VWC2L: variants seen among roughly 807,000 people sequenced by gnomAD.
VWC2L encodes the protein von Willebrand factor C domain-containing protein 2-like.
A neutral mutation model predicts 21.6 loss-of-function variants in VWC2L; 10 were observed. That is an observed-to-expected ratio of 0.46 (90% CI 0.29 to 0.78). The LOEUF (loss-of-function observed/expected upper bound fraction) is 0.78, where lower values mean the gene tolerates loss of function less well. Among genes scored for constraint, VWC2L ranks in the 30% least tolerant of loss-of-function variants. The probability of loss-of-function intolerance (pLI) is 0.10; values close to 1 mark genes in which losing one functional copy is unlikely to be tolerated. For synonymous variants in VWC2L, 96 were observed against 94.3 expected, an observed-to-expected ratio of 1.02 and a Z score of -0.10; for missense variants, 209 against 277.1, an observed-to-expected ratio of 0.75 and a Z score of 1.74.
At chr2:214,552,522 C>A (rs1559328662) in intron 3 of VWC2L, among the ~76,000 whole-genome samples, 1 of 152,184 alleles carries the variant, frequency 6.6e-6, no homozygotes. Flanking sequence ...TTGGTCTATT[C>A]AACATTCTAG....
intron 3 of VWC2L, among the ~76,000 whole-genome samples, chr2:214,471,143 A>T (rs1214093218): frequency 6.6e-6 from 1 of 152,134 alleles, no homozygotes; most frequent in Non-Finnish European, 1.5e-5. Context: ...AGCATGAGGA[A>T]CATGACACTA....
At position 214,427,663 on chromosome 2, in the gene VWC2L, A is replaced by G. The variant is rs540072370; in HGVS notation, c.391-8966A>G. On this transcript the variant is annotated intron_variant, in intron 2 of 3. Coordinates refer to ENST00000312504, the MANE Select transcript of VWC2L (RefSeq NM_001080500.4). ...TACACACACAGAGGATTGGTTCCAA[A>G]TCCTCTCCAATACCAAAATCTGCAA... is the stretch of plus-strand genomic sequence containing the variant. Among the ~76,000 whole-genome samples the G allele has an allele frequency of 2.0e-5, 3 of 152,272 alleles. No homozygotes were observed. In the South Asian group the frequency reaches 6.2e-4, roughly 32 times the overall value.
At chr2:214,547,316 A>G (rs1341489540) in intron 3 of VWC2L, among the ~76,000 whole-genome samples, 1 of 152,206 alleles carries the variant, frequency 6.6e-6, no homozygotes, top group African/African-American at 2.4e-5. Flanking sequence ...CTAGAACTTA[A>G]GCAAGTATGA....
chr2:214,484,357 GAC>G (rs1688647590), intron 3 of VWC2L, among the ~76,000 whole-genome samples: 1 of 152,168 alleles, frequency 6.6e-6, no homozygotes, highest in African/African-American at 2.4e-5. Context: ...CTAATTGTGT[GAC>G]ACTGGGCAAC....
chr2:214,551,795 T>C (rs1689798884), intron 3 of VWC2L, among the ~76,000 whole-genome samples: 1 of 152,196 alleles, frequency 6.6e-6, no homozygotes, highest in Admixed American at 6.5e-5. Context: ...ATATTCCTCT[T>C]CATACCACAA....
chr2:214,520,058 TACACAC>T (rs60850327), intron 3 of VWC2L, among the ~76,000 whole-genome samples: 1,495 of 143,246 alleles, frequency 0.01, 25 homozygotes, highest in African/African-American at 0.036. Flanking sequence ...GCTCCTGTTA[TACACAC>T]ACACACACAC....
chr2:214,484,737 G>C (rs979951173), intron 3 of VWC2L, among the ~76,000 whole-genome samples: 4 of 152,168 alleles, frequency 2.6e-5, no homozygotes, highest in African/African-American at 9.6e-5. Flanking sequence ...CCTTTGAAAA[G>C]GTTGCCTAAG....
At chr2:214,552,847 C>A (rs12613142) in intron 3 of VWC2L, among the ~76,000 whole-genome samples, 111,120 of 152,080 alleles carry the variant, frequency 0.73, 41,151 homozygotes, top group East Asian at 0.83. Flanking sequence ...TTAATTTAAG[C>A]TTTCCACTTG....
At chr2:214,435,470 T>C in intron 2 of VWC2L, among the ~76,000 whole-genome samples, 1 of 152,204 alleles carries the variant, frequency 6.6e-6, no homozygotes. Context: ...AAAATGAATT[T>C]TTAAAATAAT....
intron 3 of VWC2L, among the ~76,000 whole-genome samples, chr2:214,563,298 A>G (rs1285893440): frequency 6.6e-6 from 1 of 152,090 alleles, no homozygotes; most frequent in Admixed American, 6.5e-5. Flanking sequence ...CTGTAATCCC[A>G]GCACTTTGGG....
chr2:214,428,774 A>C (rs925809843), intron 2 of VWC2L, among the ~76,000 whole-genome samples: 2 of 151,756 alleles, frequency 1.3e-5, no homozygotes, highest in African/African-American at 4.8e-5. Context: ...AATGAAGAAA[A>C]AATTTCAATT....
At chr2:214,529,327 C>A (rs948363105) in intron 3 of VWC2L, among the ~76,000 whole-genome samples, 1 of 152,110 alleles carries the variant, frequency 6.6e-6, no homozygotes, top group African/African-American at 2.4e-5. Context: ...GGAACTCAAC[C>A]ATGGGTGCCC....
rs114052144 is a variant in VWC2L at position 214,463,030 on chromosome 2, C to T, written c.520+26272C>T. Reference sequence around the variant, plus strand: ...TTTACATGTATTGAAACATGTTTTACGGCCAAGAACATATCTTATCTTGGT... The same window carrying T: ...TTTACATGTATTGAAACATGTTTTATGGCCAAGAACATATCTTATCTTGGT... On this transcript the variant is annotated intron_variant, in intron 3 of 3. Transcript: ENST00000312504. Among the ~76,000 whole-genome samples the T allele has an allele frequency of 5.7e-3, 861 of 152,142 alleles. 8 individuals carry two copies. Among genetic ancestry groups the T allele is most frequent in the African/African-American group, 0.02 (822 of 41,516 alleles).
intron 3 of VWC2L, among the ~76,000 whole-genome samples, chr2:214,439,278 A>T (rs945481526): frequency 2.6e-5 from 4 of 152,026 alleles, no homozygotes; most frequent in African/African-American, 9.7e-5. Flanking sequence ...GGAAAAATAA[A>T]TGTTTATTAT....
intron 3 of VWC2L, among the ~76,000 whole-genome samples, chr2:214,444,034 A>T (rs193165461): frequency 5.8e-4 from 89 of 152,278 alleles, no homozygotes; most frequent in Admixed American, 4.1e-3. Context: ...ACACATATAC[A>T]TATATAAAAT....
intron 2 of VWC2L, among the ~76,000 whole-genome samples, chr2:214,433,981 A>G (rs1424524402): frequency 6.6e-6 from 1 of 152,186 alleles, no homozygotes; most frequent in Non-Finnish European, 1.5e-5. Flanking sequence ...ATTTGTAAAA[A>G]CAATTTAATG....
At chr2:214,530,050 T>A (rs781087779) in intron 3 of VWC2L, among the ~76,000 whole-genome samples, 1 of 152,204 alleles carries the variant, frequency 6.6e-6, no homozygotes, top group African/African-American at 2.4e-5. Flanking sequence ...GCAATAAGCA[T>A]GTCAAAGTCA....
At chr2:214,475,255 A>T (rs1574585208) in intron 3 of VWC2L, among the ~76,000 whole-genome samples, 2 of 152,316 alleles carry the variant, frequency 1.3e-5, no homozygotes, top group South Asian at 4.1e-4. Context: ...GGGATGACAA[A>T]TTCAAATGCT....
intron 3 of VWC2L, among the ~76,000 whole-genome samples, chr2:214,440,428 CT>C (rs1702748275): frequency 6.6e-6 from 1 of 151,998 alleles, no homozygotes; most frequent in Non-Finnish European, 1.5e-5. Flanking sequence ...GATTGTGTTA[CT>C]TTGACCTATC....
Sources: allele counts gnomAD v4.1 joint callset (sites outside exome capture counted in the v4.1 genomes callset), GRCh38; gene constraint gnomAD v4.1.1; transcripts MANE v1.5; gene names NCBI Gene and HGNC (gene_info 2026-07-23, HGNC 2026-07-21).